Variants in AGPS observed in about 807,000 individuals in gnomAD.
The protein encoded by AGPS is alkylglycerone phosphate synthase, also known as alkyldihydroxyacetonephosphate synthase, peroxisomal.
Under a neutral mutation model 90.7 loss-of-function variants are expected in AGPS, and 26 were observed. The ratio of observed to expected loss-of-function variants is 0.29; its 90% CI spans 0.21 to 0.40. AGPS has a LOEUF of 0.40. AGPS is among the 10% of genes least tolerant of loss of function. The pLI, the probability that AGPS is intolerant of heterozygous loss-of-function variation, is 1.00. For synonymous variants in AGPS, 294 were observed against 285.3 expected (o/e 1.03, Z -0.31); for missense variants, 540 against 816.1 (o/e 0.66, Z 4.12).
chr2:177,444,756 A>G (rs1686721168), intron 7 of AGPS, among the ~76,000 whole-genome samples: 2 of 152,234 alleles, frequency 1.3e-5, no homozygotes, highest in South Asian at 4.1e-4. Context: ...AGAAGGTTCT[A>G]TATGTTACCC....
At chr2:177,418,290 C>G (rs148887741) in intron 1 of AGPS, among the ~76,000 whole-genome samples, 1,728 of 152,190 alleles carry the variant, frequency 0.011, 16 homozygotes, top group Admixed American at 0.022. Context: ...CAGATCTTTC[C>G]TGCTATCTTG....
intron 1 of AGPS, among the ~76,000 whole-genome samples, chr2:177,396,175 C>G (rs1405076044): frequency 6.6e-6 from 1 of 152,074 alleles, no homozygotes; most frequent in Non-Finnish European, 1.5e-5. Flanking sequence ...GCAAAGGGAA[C>G]AGCATATGAC....
At chr2:177,432,663 T>A (rs1686277719) in intron 2 of AGPS, among the ~76,000 whole-genome samples, 1 of 152,256 alleles carries the variant, frequency 6.6e-6, no homozygotes, top group Non-Finnish European at 1.5e-5. Context: ...ACTAACTCTG[T>A]ATCTGTAGTT....
chr2:177,493,392 G>A (rs1688323241), intron 12 of AGPS, among the ~76,000 whole-genome samples, 193 bp downstream of exon 12: 2 of 152,282 alleles, frequency 1.3e-5, no homozygotes, highest in South Asian at 4.2e-4. Flanking sequence ...AAAGAAGACT[G>A]CACTGGATAC....
intron 1 of AGPS, among the ~76,000 whole-genome samples, chr2:177,396,133 T>C (rs1685166097): frequency 6.6e-6 from 1 of 152,108 alleles, no homozygotes; most frequent in Non-Finnish European, 1.5e-5. Context: ...GATTTTAAAA[T>C]GTGGATGGTA....
intron 2 of AGPS, among the ~76,000 whole-genome samples, chr2:177,426,269 T>A (rs190671333): frequency 3.3e-5 from 5 of 152,368 alleles, no homozygotes; most frequent in African/African-American, 4.8e-5. Flanking sequence ...CTGAAGTTGC[T>A]TATCAGCTTC....
At chr2:177,466,904 G>C (rs1012996777) in intron 9 of AGPS, among the ~76,000 whole-genome samples, 1 of 152,122 alleles carries the variant, frequency 6.6e-6, no homozygotes, top group Admixed American at 6.5e-5. Context: ...GGATTCCTGC[G>C]TGCTTCCGGC....
At chr2:177,418,964 A>G (rs950448868) in intron 1 of AGPS, among the ~76,000 whole-genome samples, 5 of 152,012 alleles carry the variant, frequency 3.3e-5, no homozygotes, top group Non-Finnish European at 7.4e-5. Context: ...GTTTATAACT[A>G]ATCTACAAAT....
intron 8 of AGPS, among the ~76,000 whole-genome samples, chr2:177,459,139 C>A (rs1286999458): frequency 6.6e-6 from 1 of 152,088 alleles, no homozygotes; most frequent in African/African-American, 2.4e-5. Context: ...TGAAACTGGA[C>A]CCCTTCCTTA....
Position 177,499,720 on chromosome 2 carries a change from G to A in AGPS, c.1465G>A (p.Ala489Thr). The change falls in exon 14 of 20, where the codon GCA becomes ACA. Residue 489 changes from alanine (A) to threonine (T), a missense_variant. This residue lies in a region of AGPS where 405 missense variants were observed against 692.1 expected (regional missense o/e 0.59). Coordinates refer to ENST00000264167, the MANE Select transcript of AGPS (RefSeq NM_003659.4). ...TGAAAAACAAGTGTATGATATTGCT[G>A]CAAAATTTGGGTATGGCTTCAAGTT... ...QHEKQVYDIA[A>T]KFGGLAAGED... 6.2e-7 allele frequency: 1 copy of A among 1,609,196 alleles called. No homozygotes were observed. The highest frequency in any genetic ancestry group is 8.5e-7 in the Non-Finnish European group (1 of 1,176,204).
intron 7 of AGPS, among the ~76,000 whole-genome samples, chr2:177,444,420 CAAAAAAAAAAAA>C (rs10618529): frequency 1.1e-5 from 1 of 90,998 alleles, no homozygotes; most frequent in Non-Finnish European, 2.4e-5. Flanking sequence ...GACTCTGTCT[CAAAAAAAAAAAA>C]AAAAAAAAGA....
intron 11 of AGPS, 23 bp downstream of exon 11, chr2:177,482,209 A>AT: frequency 8.2e-7 from 1 of 1,220,918 alleles, no homozygotes; most frequent in Non-Finnish European, 1.1e-6. Context: ...ATATATATAT[A>AT]TACATACATA....
intron 11 of AGPS, among the ~76,000 whole-genome samples, chr2:177,487,190 G>GT (rs966529485): frequency 1.3e-5 from 2 of 151,776 alleles, no homozygotes; most frequent in Admixed American, 1.3e-4. Context: ...TGAAGCTTGG[G>GT]TTTTTTTTGT....
intron 17 of AGPS, among the ~76,000 whole-genome samples, chr2:177,517,569 A>T (rs557958369): frequency 6.6e-6 from 1 of 152,156 alleles, no homozygotes; most frequent in Non-Finnish European, 1.5e-5. Flanking sequence ...CTTTAAGTGC[A>T]GTATACTTAG....
intron 1 of AGPS, chr2:177,393,327 G>A: frequency 1.0e-6 from 1 of 985,410 alleles, no homozygotes; most frequent in Non-Finnish European, 1.2e-6. Flanking sequence ...CCTTTTTCCT[G>A]AGCTTTTAGT....
Position 177,437,005 on chromosome 2 carries a change from G to A in AGPS, c.588G>A (p.Leu196=), listed in dbSNP as rs200503696. 3.7e-6 allele frequency: 6 copies of A among 1,613,186 alleles called. No individual in the cohort carries two copies. The African/African-American group carries it at 6.7e-5, about 18-fold the overall frequency. ...AHGHCLHEIF[L]LREGMFERIP... is the part of the protein sequence containing the mutation. ...GTCATTGTCTTCATGAGATATTTTT[G>A]CTCAGGGAAGGAATGTTTGAGCGAA... is the stretch of plus-strand genomic sequence containing the variant. Residue 196 remains leucine (L), a synonymous_variant, in exon 5 of 20, where the codon TTG becomes TTA. Transcript: ENST00000264167.
intron 10 of AGPS, among the ~76,000 whole-genome samples, chr2:177,469,430 G>A (rs1687546434): frequency 6.6e-6 from 1 of 152,126 alleles, no homozygotes; most frequent in Non-Finnish European, 1.5e-5. Context: ...ATGTTTCTTA[G>A]TGATGTGGTA....
At chr2:177,436,510 C>T (rs1176890701) in intron 3 of AGPS, among the ~76,000 whole-genome samples, 2 of 151,866 alleles carry the variant, frequency 1.3e-5, no homozygotes, top group Non-Finnish European at 2.9e-5. Flanking sequence ...AAGTAGCTTT[C>T]TCCCAGTCTC....
chr2:177,531,796 A>G (rs1023189924), intron 19 of AGPS, among the ~76,000 whole-genome samples: 8 of 152,136 alleles, frequency 5.3e-5, no homozygotes, highest in Non-Finnish European at 1.5e-5. Context: ...AGGAGGACAC[A>G]TAGATCAGTG....
Sources: gnomAD v4.1 joint callset for allele counts (sites outside exome capture counted in the v4.1 genomes callset) on GRCh38, gnomAD v4.1.1 for gene constraint, gnomAD v4.1.1 regional missense constraint, MANE v1.5 for transcripts, NCBI Gene and HGNC (gene_info 2026-07-23, HGNC 2026-07-21) for gene names.